Variants in ZBTB48 observed in about 807,000 individuals in gnomAD.
ZBTB48 encodes the protein zinc finger and BTB domain-containing protein 48.
A neutral mutation model predicts 64.5 loss-of-function variants in ZBTB48; 35 were observed. That is an observed-to-expected ratio of 0.54 (90% confidence interval 0.41 to 0.72). The LOEUF (loss-of-function observed/expected upper bound fraction) is 0.72. ZBTB48 is among the 30% of genes least tolerant of loss of function. The pLI, the probability that ZBTB48 is intolerant of heterozygous loss-of-function variation, is 0.00. For synonymous variants in ZBTB48, 442 were observed against 356.7 expected, an observed-to-expected ratio of 1.24 and a Z score of -2.70; for missense variants, 828 against 895.3, an observed-to-expected ratio of 0.92 and a Z score of 0.96.
In ZBTB48 at chr1:6,580,783, C is replaced by T; in HGVS notation, c.174C>T (p.Gly58=). The change falls in exon 2 of 11, where the codon GGC becomes GGT. Residue 58 remains glycine, a synonymous_variant. Transcript: ENST00000377674. This position sits in a 1 kb window ranked among gnomAD's most constrained non-coding sequence, Gnocchi z 5.2. ...TTTTCCAGAGCCTCTACGGGGATGG[C>T]TCAGGGGGCAGTGTCGTCCTCCCTG... ...SHFFQSLYGD[G]SGGSVVLPAG... The T allele has an allele frequency of 6.2e-7, 1 of 1,614,226 alleles. No individual in the cohort carries two copies. The highest frequency in any genetic ancestry group is 1.1e-5 in the South Asian group (1 of 91,084).
In ZBTB48 at chr1:6,582,132, G is replaced by T. The variant is rs1302858573; in HGVS notation, c.765G>T (p.Arg255Ser). 1 of 1,614,196 alleles carries T rather than the reference G, an allele frequency of 6.2e-7. No individual in the cohort carries two copies. The highest frequency in any genetic ancestry group is 8.5e-7 in the Non-Finnish European group (1 of 1,180,026). Residue 255 changes from arginine (R) to serine (S), a missense_variant, in exon 3 of 11, where the codon AGG becomes AGT. Coordinates refer to ENST00000377674, the MANE Select transcript of ZBTB48 (RefSeq NM_005341.4). ...YMSEPEAVLT[R>S]RKSNVIRKPC... ...CTGAGCCTGAGGCTGTGCTGACCAG[G>T]AGGAAGTCAAATGTAATCCGAAAGC... is the stretch of plus-strand genomic sequence containing the variant.
At chr1:6,583,660 G>A (rs1322901533) in intron 3 of ZBTB48, among the ~76,000 whole-genome samples, 2 of 150,982 alleles carry the variant, frequency 1.3e-5, no homozygotes, top group Non-Finnish European at 2.9e-5. Context: ...GAGTGCAGTG[G>A]CATGATCTTG....
In ZBTB48 at chr1:6,580,126, G is replaced by T; in HGVS notation, c.-80G>T. The T allele has an allele frequency of 5.3e-6, 1 of 190,350 alleles. No individual in the cohort carries two copies. Among genetic ancestry groups the T allele is most frequent in the Non-Finnish European group, 1.1e-5 (1 of 90,400 alleles). 11.8% of individuals were successfully genotyped at this position (190,350 alleles called of 1,614,324 possible). A position where few individuals can be genotyped will look rare whatever the true frequency, so the allele number is the denominator to read the frequency against. Reference sequence around the variant, plus strand: ...GGGCCAGTGGGGCCAGCTCAGGGAGGACCTGCCTGGGTGAGGAGGGCGCGG... The same window carrying T: ...GGGCCAGTGGGGCCAGCTCAGGGAGTACCTGCCTGGGTGAGGAGGGCGCGG... On this transcript the variant is annotated 5_prime_UTR_variant, in exon 1 of 11. Coordinates refer to ENST00000377674, the MANE Select transcript of ZBTB48 (RefSeq NM_005341.4). This position sits in a 1 kb window ranked among gnomAD's most constrained non-coding sequence, Gnocchi z 5.2.
rs369987683 is a variant in ZBTB48, at chr1:6,587,434, C to T, written c.1225-44C>T. Reference sequence around the variant, plus strand: ...CCCAGGCAGCCCTTCCCTGCTCTCACCCTGGCCCTGGTCCCTCCCTCTGCC... The same window carrying T: ...CCCAGGCAGCCCTTCCCTGCTCTCATCCTGGCCCTGGTCCCTCCCTCTGCC... On this transcript the variant is annotated intron_variant, in intron 6 of 10. Transcript: ENST00000377674. 4.5e-5 allele frequency: 73 copies of T among 1,612,228 alleles called. No homozygotes were observed. In the African/African-American group the frequency reaches 7.6e-4, roughly 17 times the overall value.
At position 6,586,943 on chromosome 1, in the gene ZBTB48, T is replaced by G. The variant is rs1640693380; in HGVS notation, c.1137+156T>G. ...CCTGCCTTTCCAGTGCCCCCTTATC[T>G]AGGCAGGGCTACTGTCTGCAGCCTC... On this transcript the variant is annotated intron_variant, in intron 5 of 10. Transcript: ENST00000377674. 3.2e-6 allele frequency: 3 copies of G among 939,192 alleles called. No individual in the cohort carries two copies. The East Asian group carries it at 7.9e-5, about 25-fold the overall frequency. The allele number at this position is 939,192 out of a possible 1,614,324, so 58.2% of individuals were successfully genotyped here.
At position 6,582,078 on chromosome 1, in the gene ZBTB48, G is replaced by A; in HGVS notation, c.711G>A (p.Val237=). 1.9e-6 allele frequency: 3 copies of A among 1,614,118 alleles called. No individual in the cohort carries two copies. The highest frequency in any genetic ancestry group is 2.5e-6 in the Non-Finnish European group (3 of 1,180,002). The part of the protein sequence containing the change: ...GSNEWEVVVQ[V]EDDGDGDYMS... Reference sequence around the variant, plus strand: ...TCTAGTGGGAAGTGGTGGTTCAAGTGGAGGATGATGGGGATGGCGATTACA... The same window carrying A: ...TCTAGTGGGAAGTGGTGGTTCAAGTAGAGGATGATGGGGATGGCGATTACA... Residue 237 remains valine, a synonymous_variant, in exon 3 of 11, where the codon GTG becomes GTA. Transcript: ENST00000377674.
At chr1:6,581,354 T>C (rs1640450019) in intron 2 of ZBTB48, 55 bp downstream of exon 2, 2 of 1,500,846 alleles carry the variant, frequency 1.3e-6, no homozygotes, top group Admixed American at 2.2e-5. Context: ...ATAGACACTT[T>C]TTTGGTATAA....
rs771285608 is a variant in ZBTB48 at position 6,587,635 on chromosome 1, G to A, written c.1379+3G>A. 19 of 1,612,402 alleles carry A rather than the reference G, an allele frequency of 1.2e-5. No individual in the cohort carries two copies. Among genetic ancestry groups the A allele is most frequent in the Non-Finnish European group, 1.5e-5 (18 of 1,180,028 alleles). On this transcript the variant is annotated splice_donor_region_variant and intron_variant, in intron 7 of 10. Transcript: ENST00000377674. ...ATGCACATCAAGGCCAAGCACAGGT[G>A]CGTGTCGCCCGTTCTCTCTTGGGGC...
chr1:6,587,967 C>G, intron 7 of ZBTB48, 93 bp from the exon 8 acceptor site: 1 of 1,537,610 alleles, frequency 6.5e-7, no homozygotes. Context: ...ACTGCCCAAG[C>G]CCTCTTTCCA....
At chr1:6,588,660 G>A in intron 9 of ZBTB48, 96 bp from the exon 10 acceptor site, 1 of 1,553,338 alleles carries the variant, frequency 6.4e-7, no homozygotes, top group Non-Finnish European at 8.8e-7. Context: ...TAAACCACTG[G>A]TCCCCTCCCT....
intron 3 of ZBTB48, among the ~76,000 whole-genome samples, chr1:6,583,194 A>T (rs1640532275): frequency 6.7e-6 from 1 of 148,490 alleles, no homozygotes. Context: ...TTTCACCATG[A>T]TGGCCATGAT....
intron 3 of ZBTB48, among the ~76,000 whole-genome samples, chr1:6,585,099 G>A (rs1240308445): frequency 6.6e-6 from 1 of 152,190 alleles, no homozygotes; most frequent in Non-Finnish European, 1.5e-5. Flanking sequence ...AGTTGTGAGT[G>A]GGGTTCGATT....
Position 6,588,908 on chromosome 1 carries a change from C to T in ZBTB48, c.1771-8C>T, listed in dbSNP as rs967810419. On this transcript the variant is annotated splice_polypyrimidine_tract_variant and splice_region_variant and intron_variant, in intron 10 of 10. Transcript: ENST00000377674. ...CCCCCAAAGTTCTGAGCTCACCCTCCCCGCCAGGCCCACCTGCGGAGGCAC... is the reference window on the plus strand; with the variant it reads ...CCCCCAAAGTTCTGAGCTCACCCTCTCCGCCAGGCCCACCTGCGGAGGCAC... 2 of 1,613,522 alleles carry T rather than the reference C, an allele frequency of 1.2e-6. No homozygotes were observed. Among genetic ancestry groups the T allele is most frequent in the Non-Finnish European group, 1.7e-6 (2 of 1,179,804 alleles).
At chr1:6,587,376 C>CT (rs1432443208) in intron 6 of ZBTB48, 85 bp downstream of exon 6, 1 of 1,609,146 alleles carries the variant, frequency 6.2e-7, no homozygotes, top group Non-Finnish European at 8.5e-7. Flanking sequence ...CGGCCATGTA[C>CT]TTTCTGTTGT....
Position 6,586,573 on chromosome 1 carries a change from C to T in ZBTB48, c.1045-122C>T, listed in dbSNP as rs1371162408. ...AGGTTATGTGTTGCCCTCTCCCACC[C>T]TAGCGTCCCCACCCTCCCCAGGCAG... On this transcript the variant is annotated intron_variant, in intron 4 of 10. Transcript: ENST00000377674. The T allele has an allele frequency of 2.9e-6, 4 of 1,373,192 alleles. No homozygotes were observed. In the African/African-American group the frequency reaches 5.9e-5, roughly 20 times the overall value. The allele number at this position is 1,373,192 out of a possible 1,614,324, so 85.1% of individuals were successfully genotyped here.
chr1:6,586,366 C>T (rs1640667096), intron 4 of ZBTB48: 1 of 499,784 alleles, frequency 2.0e-6, no homozygotes, highest in South Asian at 2.7e-5. Flanking sequence ...AGCAACCCCA[C>T]TGCTGGCTTC....
In ZBTB48 at chr1:6,580,421, G is replaced by A; in HGVS notation, c.-69-120G>A. On this transcript the variant is annotated intron_variant, in intron 1 of 10. Coordinates refer to ENST00000377674, the MANE Select transcript of ZBTB48 (RefSeq NM_005341.4). This position sits in a 1 kb window ranked among gnomAD's most constrained non-coding sequence, Gnocchi z 5.2. ...ATCCAATATGGCCCCCGGCCCCCGG[G>A]AGGCTGTCAGTGTGTTCCAGCCCTC... 1 of 631,180 alleles carries A rather than the reference G, an allele frequency of 1.6e-6. No homozygotes were observed. The highest frequency in any genetic ancestry group is 2.7e-6 in the Non-Finnish European group (1 of 368,266). 39.1% of individuals were successfully genotyped at this position (631,180 alleles called of 1,614,324 possible).
rs774360482 is a variant in ZBTB48, at chr1:6,588,905, C to A, written c.1771-11C>A. ...GATCCCCCAAAGTTCTGAGCTCACC[C>A]TCCCCGCCAGGCCCACCTGCGGAGG... On this transcript the variant is annotated splice_polypyrimidine_tract_variant and intron_variant, in intron 10 of 10. Transcript: ENST00000377674. The A allele has an allele frequency of 5.6e-6, 9 of 1,613,684 alleles. No homozygotes were observed. Among genetic ancestry groups the A allele is most frequent in the Non-Finnish European group, 7.6e-6 (9 of 1,179,840 alleles).
At position 6,581,231 on chromosome 1, in the gene ZBTB48, G is replaced by A. The variant is rs766900069; in HGVS notation, c.622G>A (p.Glu208Lys). 6.8e-6 allele frequency: 11 copies of A among 1,612,888 alleles called. No individual in the cohort carries two copies. The East Asian group carries it at 1.1e-4, about 16-fold the overall frequency. The change falls in exon 2 of 11, where the codon GAG becomes AAG. Residue 208 changes from glutamate to lysine, a missense_variant. Physicochemically the swap from Glu to Lys is moderately conservative, Grantham distance 56. Coordinates refer to ENST00000377674, the MANE Select transcript of ZBTB48 (RefSeq NM_005341.4). ...TTGTCCCCTTGAGGACAAGAAACCC[G>A]AGGACTGCAAAGTGCCCCCAAGGCC... ...KPCPLEDKKP[E>K]DCKVPPRPLE...
Sources: allele counts gnomAD v4.1 joint callset (sites outside exome capture counted in the v4.1 genomes callset), GRCh38; gene constraint gnomAD v4.1.1; non-coding constraint Gnocchi (gnomAD v3.1); transcripts MANE v1.5; gene names NCBI Gene and HGNC (gene_info 2026-07-23, HGNC 2026-07-21).